The following RBBP8 variants were observed in gnomAD, a reference collection of about 807,000 sequenced individuals.
RBBP8 encodes the protein RB binding protein 8, endonuclease, also known as DNA endonuclease RBBP8.
Under a neutral mutation model 108.3 loss-of-function variants are expected in RBBP8, and 88 were observed. That is an observed-to-expected ratio of 0.81 (90% confidence interval 0.68 to 0.97). The LOEUF is 0.97. RBBP8 is among the 50% of genes least tolerant of loss of function. The pLI is 0.00. For synonymous variants in RBBP8, 332 were observed against 348.2 expected, an observed-to-expected ratio of 0.95 and a Z score of 0.52; for missense variants, 1,023 against 1,049.0, an observed-to-expected ratio of 0.98 and a Z score of 0.34.
chr18:22,982,164 A>AAATGTTT (rs1914972289), intron 6 of RBBP8, 54 bp from the exon 7 acceptor site: 1 of 1,551,496 alleles, frequency 6.4e-7, no homozygotes, highest in Admixed American at 1.7e-5. Context: ...GCCATGTAGT[A>AAATGTTT]AATGTTTTAA....
upstream of RBBP8, among the ~76,000 whole-genome samples, chr18:22,930,160 G>A (rs1909968022): frequency 6.6e-6 from 1 of 152,082 alleles, no homozygotes; most frequent in African/African-American, 2.4e-5. Context: ...TTTTAAATTG[G>A]TGCCTAGATA....
At chr18:22,918,013 A>AC (rs1909434329) in intron 3 of RBBP8, among the ~76,000 whole-genome samples, 2 of 151,932 alleles carry the variant, frequency 1.3e-5, no homozygotes, top group East Asian at 3.9e-4. Context: ...AAAAAAAAAA[A>AC]ACATATAATG....
intron 15 of RBBP8, among the ~76,000 whole-genome samples, chr18:23,002,564 G>A (rs2045966647): frequency 1.3e-5 from 2 of 152,162 alleles, no homozygotes; most frequent in East Asian, 1.9e-4. Flanking sequence ...ATGTAGGATA[G>A]CAATCAGAAA....
chr18:23,006,341 A>G, intron 15 of RBBP8, 22 bp from the exon 16 acceptor site: 1 of 1,594,436 alleles, frequency 6.3e-7, no homozygotes. Context: ...TTTAGTTTGT[A>G]ATGTGCATGT....
chr18:23,005,539 A>G (rs893446160), intron 15 of RBBP8, among the ~76,000 whole-genome samples: 1 of 152,004 alleles, frequency 6.6e-6, no homozygotes, highest in Non-Finnish European at 1.5e-5. Flanking sequence ...CAGCCTCCCG[A>G]GTAGCTGGGA....
At chr18:22,989,111 T>G in intron 8 of RBBP8, 110 bp from the exon 9 acceptor site, 1 of 752,296 alleles carries the variant, frequency 1.3e-6, no homozygotes, top group East Asian at 3.1e-5. Flanking sequence ...TGCCATCTTA[T>G]GAAGTGTGAG....
At chr18:22,997,801 G>A (rs2045886324) in intron 14 of RBBP8, 67 bp downstream of exon 14, 2 of 1,061,836 alleles carry the variant, frequency 1.9e-6, no homozygotes, top group Non-Finnish European at 1.4e-6. Flanking sequence ...TTGTACCATT[G>A]CACTGATTAG....
chr18:22,961,855 G>A (rs949700014), intron 4 of RBBP8, among the ~76,000 whole-genome samples: 2 of 152,184 alleles, frequency 1.3e-5, no homozygotes, highest in East Asian at 3.9e-4. Flanking sequence ...ATCATGGGTA[G>A]ACTTACAAAT....
chr18:23,010,762 CAG>C (rs1483943094), intron 16 of RBBP8, among the ~76,000 whole-genome samples: 1 of 151,996 alleles, frequency 6.6e-6, no homozygotes, highest in Non-Finnish European at 1.5e-5. Flanking sequence ...CTAGAATTCT[CAG>C]AGTTACATTG....
In RBBP8 at chr18:22,936,880, G is replaced by A; in HGVS notation, c.29G>A (p.Ser10Asn). Residue 10 changes from serine (S) to asparagine (N), a missense_variant, in exon 2 of 19, where the codon AGC becomes AAC. Ser to Asn is a conservative substitution (Grantham distance 46). Coordinates refer to ENST00000327155, the MANE Select transcript of RBBP8 (RefSeq NM_002894.3). ...AACATCTCGGGAAGCAGCTGTGGAA[G>A]CCCTAACTCTGCAGATACATCTAGT... Reference protein sequence around the residue: MNISGSSCGSPNSADTSSDF... With the variant: MNISGSSCGNPNSADTSSDF... 1.2e-6 allele frequency: 2 copies of A among 1,614,156 alleles called. No individual in the cohort carries two copies. Among genetic ancestry groups the A allele is most frequent in the Non-Finnish European group, 1.7e-6 (2 of 1,180,030 alleles).
At chr18:22,959,124 C>G (rs1359243778) in intron 4 of RBBP8, among the ~76,000 whole-genome samples, 1 of 152,158 alleles carries the variant, frequency 6.6e-6, no homozygotes, top group East Asian at 1.9e-4. Context: ...CATTTTGTTA[C>G]AGCTTACCCT....
intron 3 of RBBP8, among the ~76,000 whole-genome samples, chr18:22,922,377 T>C (rs994164272): frequency 1.3e-5 from 2 of 151,826 alleles, no homozygotes; most frequent in Admixed American, 6.6e-5. Flanking sequence ...AAAGATGAAA[T>C]AGGAAAACTG....
chr18:22,993,957 C>T, intron 12 of RBBP8, 110 bp downstream of exon 12: 1 of 1,116,124 alleles, frequency 9.0e-7, no homozygotes, highest in Admixed American at 2.1e-5. Context: ...TTATTTCTTC[C>T]TTCAGGTGTC....
At chr18:22,969,859 G>T (rs1913936650) in intron 5 of RBBP8, among the ~76,000 whole-genome samples, 1 of 152,106 alleles carries the variant, frequency 6.6e-6, no homozygotes, top group African/African-American at 2.4e-5. Flanking sequence ...TATAGATTCT[G>T]TGGTGTATAT....
chr18:23,016,613 A>C (rs2046259362), intron 16 of RBBP8, among the ~76,000 whole-genome samples: 1 of 152,192 alleles, frequency 6.6e-6, no homozygotes, highest in Admixed American at 6.5e-5. Context: ...TTTGCAGGTC[A>C]CTTTGGATAG....
chr18:22,936,985 C>A, intron 2 of RBBP8, 25 bp downstream of exon 2: 1 of 1,612,864 alleles, frequency 6.2e-7, no homozygotes, highest in South Asian at 1.1e-5. Context: ...TAAATACTTA[C>A]AGCAGTATTT....
chr18:22,990,286 G>A (rs756471331), intron 9 of RBBP8, among the ~76,000 whole-genome samples: 1 of 152,128 alleles, frequency 6.6e-6, no homozygotes, highest in Non-Finnish European at 1.5e-5. Context: ...CAGACCTACT[G>A]AACTTGCATT....
At position 22,939,235 on chromosome 18, in the gene RBBP8, G is replaced by A. The variant is rs140627724; in HGVS notation, c.109+2275G>A. ...AACTTTCTTATGGTAGGCTGGGCAC[G>A]GTGGCTCACGCCTGTAATCCCAGTG... On this transcript the variant is annotated intron_variant, in intron 2 of 18. Coordinates refer to ENST00000327155, the MANE Select transcript of RBBP8 (RefSeq NM_002894.3). Among the ~76,000 whole-genome samples, 127 of 152,212 alleles carry A rather than the reference G, an allele frequency of 8.3e-4. No homozygotes were observed. In the Middle Eastern group the frequency reaches 0.017, roughly 21 times the overall value.
rs142455963 is a variant in RBBP8 at position 22,954,915 on chromosome 18, C to T, written c.248+5202C>T. ...AGAACAGCAGCATAGCGTTAACTGC[C>T]CCCATGATTCAGTTACCTCCTACCA... On this transcript the variant is annotated intron_variant, in intron 4 of 18. Transcript: ENST00000327155. Among the ~76,000 whole-genome samples the T allele has an allele frequency of 8.4e-4, 128 of 152,270 alleles. No individual in the cohort carries two copies. The Middle Eastern group carries it at 0.017, about 20-fold the overall frequency.
Sources: allele counts gnomAD v4.1 joint callset (sites outside exome capture counted in the v4.1 genomes callset), GRCh38; gene constraint gnomAD v4.1.1; transcripts MANE v1.5; gene names NCBI Gene and HGNC (gene_info 2026-07-23, HGNC 2026-07-21).